Variants in TFCP2 observed in about 807,000 individuals in gnomAD.
The protein encoded by TFCP2 is alpha-globin transcription factor CP2.
Under a neutral mutation model 73.4 loss-of-function variants are expected in TFCP2, and 33 were observed. The observed-to-expected ratio is 0.45, with a 90% CI of 0.34 to 0.60. The LOEUF is 0.60. TFCP2 is among the 20% of genes least tolerant of loss of function. The pLI is 0.01. For synonymous variants in TFCP2, 193 were observed against 211.6 expected, an observed-to-expected ratio of 0.91 and a Z score of 0.76; for missense variants, 352 against 604.0, an observed-to-expected ratio of 0.58 and a Z score of 4.37.
chr12:51,096,853 A>G (rs1409485351), intron 13 of TFCP2, among the ~76,000 whole-genome samples: 1 of 152,220 alleles, frequency 6.6e-6, no homozygotes, highest in Middle Eastern at 3.2e-3. Flanking sequence ...CTAGCAATCA[A>G]TAGGCAGTAT....
At chr12:51,141,957 C>A (rs1185696861) in intron 1 of TFCP2, among the ~76,000 whole-genome samples, 2 of 148,104 alleles carry the variant, frequency 1.4e-5, no homozygotes, top group African/African-American at 5.0e-5. Context: ...GTAATCCCAG[C>A]AGTTTGGGAG....
intron 1 of TFCP2, chr12:51,124,719 G>A (rs934848901): frequency 5.8e-6 from 4 of 690,080 alleles, no homozygotes; most frequent in Admixed American, 3.7e-5. Context: ...CAGCTCGGTT[G>A]CCTTGGAGTC....
At chr12:51,166,971 G>A (rs1281409841) in intron 1 of TFCP2, among the ~76,000 whole-genome samples, 1 of 152,120 alleles carries the variant, frequency 6.6e-6, no homozygotes, top group African/African-American at 2.4e-5. Context: ...CCCACTAGTA[G>A]TCCCTCTCCA....
chr12:51,151,010 G>T (rs112663428), intron 1 of TFCP2, among the ~76,000 whole-genome samples: 1 of 152,094 alleles, frequency 6.6e-6, no homozygotes, highest in Non-Finnish European at 1.5e-5. Flanking sequence ...TGCTGGTGAG[G>T]GGGAGGAGGC....
At chr12:51,161,368 G>A (rs910972503) in intron 1 of TFCP2, among the ~76,000 whole-genome samples, 11 of 150,584 alleles carry the variant, frequency 7.3e-5, no homozygotes, top group African/African-American at 2.0e-4. Flanking sequence ...AGGACTATAC[G>A]GCCCATTCAC....
intron 13 of TFCP2, among the ~76,000 whole-genome samples, chr12:51,097,610 T>C (rs1203892071): frequency 6.6e-6 from 1 of 152,148 alleles, no homozygotes; most frequent in Admixed American, 6.5e-5. Context: ...TTTTAATCAA[T>C]TGTATAATTA....
intron 1 of TFCP2, among the ~76,000 whole-genome samples, chr12:51,155,891 A>T (rs2137035416): frequency 6.6e-6 from 1 of 152,266 alleles, no homozygotes; most frequent in Non-Finnish European, 1.5e-5. Context: ...AAAATTTAAA[A>T]ATTAGCTGGG....
rs775117427 is a variant in TFCP2, at chr12:51,098,922, C to A, written c.1277-4G>T. 5 of 1,613,654 alleles carry A rather than the reference C, an allele frequency of 3.1e-6. No homozygotes were observed. The African/African-American group carries it at 6.7e-5, about 22-fold the overall frequency. ...TCTAGATAGATAGCATGGTAAACTG[C>A]AAAAGGGAGAGAGCAACAGCAGTCA... On this transcript the variant is annotated splice_region_variant and splice_polypyrimidine_tract_variant and intron_variant, in intron 12 of 14. Transcript: ENST00000257915.
intron 13 of TFCP2, among the ~76,000 whole-genome samples, chr12:51,097,338 T>C (rs938296857): frequency 2.2e-4 from 34 of 152,200 alleles, no homozygotes; most frequent in African/African-American, 7.9e-4. Context: ...AACCTCTGCC[T>C]CTCGGGTTCA....
At chr12:51,139,357 C>T (rs1376233338) in intron 1 of TFCP2, among the ~76,000 whole-genome samples, 2 of 152,060 alleles carry the variant, frequency 1.3e-5, no homozygotes, top group Non-Finnish European at 2.9e-5. Flanking sequence ...TACTTCCCAT[C>T]TCTCTTTTCC....
At chr12:51,154,895 A>T (rs1020601852) in intron 1 of TFCP2, among the ~76,000 whole-genome samples, 4 of 152,072 alleles carry the variant, frequency 2.6e-5, no homozygotes, top group Non-Finnish European at 5.9e-5. Context: ...TGTCAACTTG[A>T]CCGGATTAAA....
rs1940178531 is a variant in TFCP2 at position 51,104,310 on chromosome 12, T to C, written c.918-107A>G. The stretch of plus-strand genomic sequence containing the variant: ...TCTCATGCTAGAGATTAAAAAAAAA[T>C]CTGTGCTCTCTCATAACACATTCTT... On this transcript the variant is annotated intron_variant, in intron 8 of 14. Coordinates refer to ENST00000257915, the MANE Select transcript of TFCP2 (RefSeq NM_005653.5). 4 of 902,066 alleles carry C rather than the reference T, an allele frequency of 4.4e-6. No homozygotes were observed. In the East Asian group the frequency reaches 1.0e-4, roughly 23 times the overall value. The allele number at this position is 902,066 out of a possible 1,614,324, so 55.9% of individuals were successfully genotyped here.
chr12:51,169,238 C>T (rs999238462), intron 1 of TFCP2, among the ~76,000 whole-genome samples: 6 of 152,010 alleles, frequency 3.9e-5, no homozygotes, highest in Admixed American at 6.6e-5. Flanking sequence ...GTGGCTCACG[C>T]CTGTAATCCC....
chr12:51,129,926 A>C (rs894879840), intron 1 of TFCP2, among the ~76,000 whole-genome samples: 1 of 151,810 alleles, frequency 6.6e-6, no homozygotes, highest in African/African-American at 2.4e-5. Flanking sequence ...AGGCAGGAGG[A>C]CTGCTTGAGA....
intron 12 of TFCP2, 28 bp downstream of exon 12, chr12:51,099,627 C>T: frequency 6.2e-7 from 1 of 1,608,544 alleles, no homozygotes; most frequent in Non-Finnish European, 8.5e-7. Context: ...TTCTTCATAT[C>T]TGTCCTAGTG....
chr12:51,138,199 T>C (rs1014779298), intron 1 of TFCP2, among the ~76,000 whole-genome samples: 8 of 152,200 alleles, frequency 5.3e-5, no homozygotes, highest in Non-Finnish European at 1.2e-4. Context: ...TGTAGTGCAA[T>C]GGCACTATCT....
chr12:51,137,582 T>G (rs528907193), intron 1 of TFCP2, among the ~76,000 whole-genome samples: 1 of 152,322 alleles, frequency 6.6e-6, no homozygotes, highest in South Asian at 2.1e-4. Context: ...ATTAAAACAC[T>G]GCTAATTGAA....
intron 1 of TFCP2, among the ~76,000 whole-genome samples, chr12:51,125,886 A>G (rs1940802862): frequency 2.0e-5 from 3 of 152,124 alleles, no homozygotes; most frequent in African/African-American, 7.2e-5. Flanking sequence ...TCATGAGGTC[A>G]GCAGATCAAG....
chr12:51,111,790 G>A (rs1940406986), intron 4 of TFCP2, among the ~76,000 whole-genome samples: 1 of 151,850 alleles, frequency 6.6e-6, no homozygotes, highest in African/African-American at 2.4e-5. Flanking sequence ...GGAGGTGGAG[G>A]TTGCAGTGAG....
Sources: gnomAD v4.1 joint callset for allele counts (sites outside exome capture counted in the v4.1 genomes callset) on GRCh38, gnomAD v4.1.1 for gene constraint, MANE v1.5 for transcripts, NCBI Gene and HGNC (gene_info 2026-07-23, HGNC 2026-07-21) for gene names.